Variants in ARHGEF28 observed in about 807,000 individuals in gnomAD.
ARHGEF28 encodes the protein 190 kDa guanine nucleotide exchange factor.
A neutral mutation model predicts 206.6 loss-of-function variants in ARHGEF28; 152 were observed. That is an observed-to-expected ratio of 0.74 (90% confidence interval 0.64 to 0.84). The LOEUF is 0.84. ARHGEF28 is among the 40% of genes least tolerant of loss of function. The pLI, the probability that ARHGEF28 is intolerant of heterozygous loss-of-function variation, is 0.00. For missense variants in ARHGEF28, 2,028 were observed against 2,073.2 expected (o/e 0.98, Z 0.42); for synonymous variants, 763 against 776.4 (o/e 0.98, Z 0.29).
chr5:73,831,978 A>T lies in ARHGEF28; in HGVS notation c.1025-360A>T, dbSNP rs908386812. 3.3e-5 allele frequency among the ~76,000 whole-genome samples: 5 copies of T among 152,330 alleles called. No individual in the cohort carries two copies. In the South Asian group the frequency reaches 8.3e-4, roughly 25 times the overall value. On this transcript the variant is annotated intron_variant, in intron 9 of 35. Coordinates refer to ENST00000513042, the MANE Select transcript of ARHGEF28 (RefSeq NM_001177693.2). ...AGTGCTGGGATTACAGGCGTGAGACACCATGTCCGGCCTGAAGTTTAGTTA... is the reference window on the plus strand; with the variant it reads ...AGTGCTGGGATTACAGGCGTGAGACTCCATGTCCGGCCTGAAGTTTAGTTA...
At chr5:73,780,399 G>C (rs531874642) in intron 6 of ARHGEF28, 1 of 406,838 alleles carries the variant, frequency 2.5e-6, no homozygotes, top group African/African-American at 2.0e-5. Context: ...GTACATGCAT[G>C]ATATTCCTGA....
chr5:73,770,893 A>G lies in ARHGEF28; in HGVS notation c.476-2962A>G, dbSNP rs113401083. On this transcript the variant is annotated intron_variant, in intron 4 of 35. Transcript: ENST00000513042. Reference sequence around the variant, plus strand: ...CATGTTTACTGTTCTCTCTCATTGAACAAGATGTGAGGATGGAGCCAGAAG... The same window carrying G: ...CATGTTTACTGTTCTCTCTCATTGAGCAAGATGTGAGGATGGAGCCAGAAG... Among the ~76,000 whole-genome samples the G allele has an allele frequency of 6.7e-4, 102 of 152,318 alleles. 2 individuals carry two copies. Among genetic ancestry groups the G allele is most frequent in the African/African-American group, 2.3e-3 (97 of 41,568 alleles).
chr5:73,934,141 A>G (rs1015159306), intron 35 of ARHGEF28, among the ~76,000 whole-genome samples: 1 of 152,206 alleles, frequency 6.6e-6, no homozygotes, highest in Non-Finnish European at 1.5e-5. Flanking sequence ...ATCTGTGGAA[A>G]AGACAGGTTC....
Position 73,892,315 on chromosome 5 carries a change from C to T in ARHGEF28, c.3566+85C>T. On this transcript the variant is annotated intron_variant, in intron 27 of 35. Transcript: ENST00000513042. Reference sequence around the variant, plus strand: ...CTAACCATGTCTTCCTGCATGAAAACTTTGCCTCTGCCAGAATGGTCTGCC... The same window carrying T: ...CTAACCATGTCTTCCTGCATGAAAATTTTGCCTCTGCCAGAATGGTCTGCC... 7 of 1,454,564 alleles carry T rather than the reference C, an allele frequency of 4.8e-6. No individual in the cohort carries two copies. In the South Asian group the frequency reaches 7.0e-5, roughly 15 times the overall value. 90.1% of individuals were successfully genotyped at this position (1,454,564 alleles called of 1,614,324 possible).
At position 73,902,787 on chromosome 5, in the gene ARHGEF28, G is replaced by C. The variant is rs144793108; in HGVS notation, c.4075-1435G>C. ...TTAAAAACGCGAAATTTCCTGTCTT[G>C]TGTCAAACCTAGTGGCTTTTGGGCA... On this transcript the variant is annotated intron_variant, in intron 31 of 35. Transcript: ENST00000513042. The C allele has an allele frequency of 1.0e-3, 154 of 152,330 alleles. 1 individual carries two copies. The highest frequency in any genetic ancestry group is 3.6e-3 in the African/African-American group (148 of 41,562). The allele number at this position is 152,330 out of a possible 1,614,324, so 9.4% of individuals were successfully genotyped here.
intron 9 of ARHGEF28, among the ~76,000 whole-genome samples, chr5:73,816,311 G>A (rs1262763389): frequency 6.6e-6 from 1 of 152,086 alleles, no homozygotes; most frequent in Admixed American, 6.5e-5. Flanking sequence ...GTCTCTTGTC[G>A]CTTACAGGAT....
chr5:73,703,647 TTGTGTGTGTG>T (rs56160198), intron 2 of ARHGEF28, among the ~76,000 whole-genome samples: 1 of 139,610 alleles, frequency 7.2e-6, no homozygotes, highest in Admixed American at 7.1e-5. Context: ...TTTCCCAGCA[TTGTGTGTGTG>T]TGTGTGTGTG....
chr5:73,807,971 G>A (rs924660682), intron 9 of ARHGEF28, among the ~76,000 whole-genome samples: 1 of 151,866 alleles, frequency 6.6e-6, no homozygotes, highest in African/African-American at 2.4e-5. Flanking sequence ...TCTTCTAGCT[G>A]GGCTTCTAGG....
At chr5:73,817,414 A>G (rs1368410658) in intron 9 of ARHGEF28, among the ~76,000 whole-genome samples, 3 of 152,342 alleles carry the variant, frequency 2.0e-5, no homozygotes, top group South Asian at 4.1e-4. Context: ...TTACTAAGCT[A>G]TAGTACATGC....
chr5:73,636,699 G>A (rs1743737608), intron 1 of ARHGEF28, among the ~76,000 whole-genome samples: 1 of 152,160 alleles, frequency 6.6e-6, no homozygotes, highest in South Asian at 2.1e-4. Flanking sequence ...GTAGATTTGG[G>A]TTGAAGTCTT....
chr5:73,749,946 A>C lies in ARHGEF28; in HGVS notation c.143A>C (p.Glu48Ala). Residue 48 changes from glutamate to alanine, a missense_variant, in exon 3 of 36, where the codon GAG becomes GCG. Glu to Ala is a moderately radical substitution (Grantham distance 107). Around this residue, in one of 3 missense-constraint regions of ARHGEF28, gnomAD observed 1,002 missense variants for 1,015.3 expected, o/e 0.99. Transcript: ENST00000513042. ...CATCAGCGACATGTCATGATTGCAG[A>C]GCGCATCGAGGATAACGTTCTCCAG... ...GSHQRHVMIA[E>A]RIEDNVLQSS... The C allele has an allele frequency of 6.2e-7, 1 of 1,613,996 alleles. No individual in the cohort carries two copies. The highest frequency in any genetic ancestry group is 8.5e-7 in the Non-Finnish European group (1 of 1,179,894).
intron 2 of ARHGEF28, among the ~76,000 whole-genome samples, chr5:73,695,072 G>A (rs1748106378): frequency 6.6e-6 from 1 of 152,188 alleles, no homozygotes; most frequent in Non-Finnish European, 1.5e-5. Flanking sequence ...CAGAAAGCAC[G>A]AAGGCCCTGG....
intron 1 of ARHGEF28, among the ~76,000 whole-genome samples, chr5:73,682,145 A>G (rs1747148188): frequency 1.3e-5 from 2 of 152,156 alleles, no homozygotes; most frequent in South Asian, 4.2e-4. Context: ...GTCCACATAA[A>G]CTGCCATAGG....
At chr5:73,768,104 G>A (rs1753007447) in intron 4 of ARHGEF28, among the ~76,000 whole-genome samples, 1 of 152,204 alleles carries the variant, frequency 6.6e-6, no homozygotes, top group South Asian at 2.1e-4. Flanking sequence ...AGATTTCAAA[G>A]AATGTATGGA....
At chr5:73,637,289 C>A (rs1168100330) in intron 1 of ARHGEF28, among the ~76,000 whole-genome samples, 1 of 152,120 alleles carries the variant, frequency 6.6e-6, no homozygotes, top group African/African-American at 2.4e-5. Flanking sequence ...CTCCCTTCCC[C>A]TAACCCCGCT....
chr5:73,743,061 A>G (rs1751533380), intron 2 of ARHGEF28, among the ~76,000 whole-genome samples: 1 of 152,056 alleles, frequency 6.6e-6, no homozygotes, highest in African/African-American at 2.4e-5. Context: ...ATTTATTCAC[A>G]TATTTACCTA....
At chr5:73,858,487 C>A (rs1383826751) in intron 16 of ARHGEF28, among the ~76,000 whole-genome samples, 1 of 152,134 alleles carries the variant, frequency 6.6e-6, no homozygotes, top group Non-Finnish European at 1.5e-5. Context: ...TCTGTGCTCA[C>A]CTAAAAGCTG....
At position 73,731,178 on chromosome 5, in the gene ARHGEF28, G is replaced by A. The variant is rs115283487; in HGVS notation, c.34-18659G>A. On this transcript the variant is annotated intron_variant, in intron 2 of 35. Coordinates refer to ENST00000513042, the MANE Select transcript of ARHGEF28 (RefSeq NM_001177693.2). ...TGATTGTTGGGAAGATGTTTTTATT[G>A]ACTTGGTAGTTATGTGTGCTTTCAT... 3.8e-3 allele frequency among the ~76,000 whole-genome samples: 571 copies of A among 152,212 alleles called. 1 individual carries two copies. The highest frequency in any genetic ancestry group is 0.013 in the African/African-American group (559 of 41,530).
At chr5:73,699,610 A>G (rs946029164) in intron 2 of ARHGEF28, among the ~76,000 whole-genome samples, 1 of 152,138 alleles carries the variant, frequency 6.6e-6, no homozygotes, top group Admixed American at 6.6e-5. Flanking sequence ...GGGTGTAGAA[A>G]AGTGCTGAGC....
Sources: gnomAD v4.1 joint callset for allele counts (sites outside exome capture counted in the v4.1 genomes callset) on GRCh38, gnomAD v4.1.1 for gene constraint, gnomAD v4.1.1 regional missense constraint, MANE v1.5 for transcripts, NCBI Gene and HGNC (gene_info 2026-07-23, HGNC 2026-07-21) for gene names.